The following BIN2 variants were observed in gnomAD, a reference collection of about 807,000 sequenced individuals.
The protein encoded by BIN2 is breast cancer associated protein BRAP1.
Under a neutral mutation model 67.9 loss-of-function variants are expected in BIN2, and 43 were observed. The observed-to-expected ratio is 0.63, with a 90% CI of 0.50 to 0.82. The LOEUF is 0.82. BIN2 is among the 40% of genes least tolerant of loss of function. BIN2 has a pLI of 0.00. For synonymous variants in BIN2, 244 were observed against 246.8 expected (o/e 0.99, Z 0.11); for missense variants, 581 against 671.6 (o/e 0.87, Z 1.49).
At chr12:51,295,630 A>ATT (rs1945545085) in intron 9 of BIN2, among the ~76,000 whole-genome samples, 166 bp downstream of exon 9, 1 of 130,636 alleles carries the variant, frequency 7.7e-6, no homozygotes, top group Non-Finnish European at 1.6e-5. Flanking sequence ...ATATATATAT[A>ATT]TTTAGTAAAA....
At chr12:51,281,932 A>C (rs1421159855) in intron 12 of BIN2, among the ~76,000 whole-genome samples, 2 of 151,912 alleles carry the variant, frequency 1.3e-5, no homozygotes, top group East Asian at 1.9e-4. Context: ...TTAAAAAAAA[A>C]ATTTGTTGCC....
chr12:51,296,253 T>C (rs1375955495), intron 8 of BIN2, among the ~76,000 whole-genome samples: 1 of 151,996 alleles, frequency 6.6e-6, no homozygotes, highest in African/African-American at 2.4e-5. Flanking sequence ...TCCCAGCACT[T>C]TGGGAGGCCG....
chr12:51,320,207 C>T (rs1284312126), intron 1 of BIN2, among the ~76,000 whole-genome samples: 1 of 151,930 alleles, frequency 6.6e-6, no homozygotes, highest in Non-Finnish European at 1.5e-5. Context: ...TCTCGAACTC[C>T]TGGGATTTCG....
intron 2 of BIN2, among the ~76,000 whole-genome samples, chr12:51,312,173 A>T (rs190364237): frequency 1.9e-4 from 29 of 152,346 alleles, no homozygotes; most frequent in Non-Finnish European, 4.0e-4. Context: ...GAAGGCTATG[A>T]AAAGAGCATT....
intron 10 of BIN2, 24 bp from the exon 11 acceptor site, chr12:51,288,212 A>G: frequency 1.9e-6 from 3 of 1,601,042 alleles, no homozygotes; most frequent in Non-Finnish European, 2.6e-6. Context: ...TGAACAATGG[A>G]GGAGAGAGTC....
chr12:51,287,683 G>C (rs1353883904), intron 11 of BIN2, among the ~76,000 whole-genome samples: 2 of 140,680 alleles, frequency 1.4e-5, no homozygotes, highest in Middle Eastern at 5.0e-3. Flanking sequence ...ACGGAGTCTC[G>C]CTCTGTCACC....
intron 12 of BIN2, among the ~76,000 whole-genome samples, chr12:51,282,086 T>A (rs1945131234): frequency 6.6e-6 from 1 of 152,120 alleles, no homozygotes; most frequent in African/African-American, 2.4e-5. Flanking sequence ...GTTTTTCTCT[T>A]CTTGGATTTT....
rs748235442 is a variant in BIN2, at chr12:51,292,049, C to T, written c.1057G>A (p.Glu353Lys). The T allele has an allele frequency of 1.8e-5, 29 of 1,614,010 alleles. No homozygotes were observed. Among genetic ancestry groups the T allele is most frequent in the Admixed American group, 3.3e-5 (2 of 60,004 alleles). Residue 353 changes from glutamate to lysine, a missense_variant, in exon 10 of 13, where the codon GAA (glutamate) becomes AAA (lysine). Glu to Lys is a moderately conservative substitution (Grantham distance 56, BLOSUM62 1). Transcript: ENST00000615107. ...PAQAQPSPTT[E>K]RAKSQEEVLP... ...ACTTCCTCCTGGGACTTGGCCCTTT[C>T]AGTGGTAGGAGAGGGCTGGGCCTGG...
chr12:51,313,184 GAGGAAGGAAGGAAGGAAGGA>G (rs534447282), intron 2 of BIN2, among the ~76,000 whole-genome samples: 1 of 113,730 alleles, frequency 8.8e-6, no homozygotes, highest in African/African-American at 3.6e-5. Context: ...GTTGCAGTGA[GAGGAAGGAAGGAAGGAAGGA>G]AGGAAGGAAG....
intron 5 of BIN2, among the ~76,000 whole-genome samples, chr12:51,300,859 G>A (rs979728635): frequency 1.3e-5 from 2 of 152,168 alleles, no homozygotes; most frequent in Non-Finnish European, 2.9e-5. Context: ...TAACTATTAG[G>A]AACTTAAGTC....
intron 2 of BIN2, among the ~76,000 whole-genome samples, chr12:51,305,860 G>T (rs1349738875): frequency 1.7e-5 from 2 of 119,054 alleles, no homozygotes; most frequent in East Asian, 2.7e-4. Context: ...TTGAGATGGA[G>T]TCTCGCTCTG....
chr12:51,309,758 G>A (rs1945951657), intron 2 of BIN2, among the ~76,000 whole-genome samples: 1 of 152,162 alleles, frequency 6.6e-6, no homozygotes, highest in South Asian at 2.1e-4. Flanking sequence ...TAAATGGTGG[G>A]CTTCCACAGG....
intron 7 of BIN2, among the ~76,000 whole-genome samples, chr12:51,298,914 CA>C (rs1345093598): frequency 8.0e-5 from 12 of 149,824 alleles, no homozygotes. Flanking sequence ...ACTAAAAATA[CA>C]AAAAAAAATT....
intron 7 of BIN2, 115 bp downstream of exon 7, chr12:51,299,088 A>AG (rs1491098216): frequency 4.3e-5 from 23 of 533,482 alleles, no homozygotes; most frequent in Middle Eastern, 5.2e-4. Context: ...AAAAAAAAAA[A>AG]GGGGGCGGGG....
intron 10 of BIN2, among the ~76,000 whole-genome samples, chr12:51,290,062 T>C (rs1357593101): frequency 2.6e-5 from 4 of 151,776 alleles, no homozygotes; most frequent in South Asian, 2.1e-4. Flanking sequence ...CTTTATTTTT[T>C]TGAATTTATT....
At position 51,304,835 on chromosome 12, in the gene BIN2, T is replaced by C. The variant is rs553493666; in HGVS notation, c.163-1694A>G. ...ATCAAGGCCATCCTGGCTAACACGG[T>C]GAAAGCCCATCTCTACTAAAAATAC... On this transcript the variant is annotated intron_variant, in intron 2 of 12. Transcript: ENST00000615107. Among the ~76,000 whole-genome samples, 178 of 147,846 alleles carry C rather than the reference T, an allele frequency of 1.2e-3. 1 individual carries two copies. Among genetic ancestry groups the C allele is most frequent in the South Asian group, 3.4e-3 (16 of 4,668 alleles).
intron 9 of BIN2, among the ~76,000 whole-genome samples, chr12:51,294,883 C>T (rs76005495): frequency 1.8e-4 from 27 of 152,020 alleles, no homozygotes; most frequent in Non-Finnish European, 3.8e-4. Context: ...AGGTACATGG[C>T]TATTTGTTGT....
intron 2 of BIN2, among the ~76,000 whole-genome samples, chr12:51,312,236 C>T (rs949607217): frequency 2.0e-5 from 3 of 152,196 alleles, no homozygotes; most frequent in African/African-American, 4.8e-5. Flanking sequence ...ATGAAAACCA[C>T]AACCTTGCAC....
chr12:51,316,872 CTAT>C (rs997002644), intron 1 of BIN2, among the ~76,000 whole-genome samples: 7 of 151,672 alleles, frequency 4.6e-5, no homozygotes, highest in East Asian at 1.9e-4. Flanking sequence ...ACTACTACTA[CTAT>C]TATTATTATT....
Sources: allele counts gnomAD v4.1 joint callset (sites outside exome capture counted in the v4.1 genomes callset), GRCh38; gene constraint gnomAD v4.1.1; transcripts MANE v1.5; gene names NCBI Gene and HGNC (gene_info 2026-07-23, HGNC 2026-07-21).